The following SMPD4 variants were observed in gnomAD, a reference collection of about 807,000 sequenced individuals.
The protein encoded by SMPD4 is neutral sphingomyelinase 3.
SMPD4 carries 58 observed loss-of-function variants against 97.8 expected under a neutral mutation model. The ratio of observed to expected loss-of-function variants is 0.59; its 90% CI spans 0.48 to 0.74. The LOEUF (loss-of-function observed/expected upper bound fraction) is 0.74. Ranked by LOEUF, SMPD4 falls within the 30% of genes least tolerant of loss-of-function variation. SMPD4 has a pLI of 0.00. For missense variants in SMPD4, 853 were observed against 1,080.5 expected, an observed-to-expected ratio of 0.79 and a Z score of 2.95; for synonymous variants, 388 against 450.0, an observed-to-expected ratio of 0.86 and a Z score of 1.74.
chr2:130,175,718 A>C (rs1321029929), intron 2 of SMPD4, among the ~76,000 whole-genome samples: 3 of 152,304 alleles, frequency 2.0e-5, no homozygotes, highest in Non-Finnish European at 4.4e-5. Flanking sequence ...ATGGATTAAG[A>C]TCAGGAGAAA....
chr2:130,179,731 T>C (rs1171809453), intron 1 of SMPD4, among the ~76,000 whole-genome samples: 1 of 151,640 alleles, frequency 6.6e-6, no homozygotes, highest in Non-Finnish European at 1.5e-5. Flanking sequence ...CTCGGCTCAC[T>C]GCAACTTCCG....
Position 130,173,668 on chromosome 2 carries a change from T to C in SMPD4, c.127-12A>G. The C allele has an allele frequency of 1.2e-6, 2 of 1,613,820 alleles. No homozygotes were observed. The highest frequency in any genetic ancestry group is 1.7e-6 in the Non-Finnish European group (2 of 1,179,834). On this transcript the variant is annotated splice_polypyrimidine_tract_variant and intron_variant, in intron 3 of 19. Coordinates refer to ENST00000680298, the MANE Select transcript of SMPD4 (RefSeq NM_017951.5). The stretch of plus-strand genomic sequence containing the variant: ...ATGGTGTGCAGCTCCTGAAACAATG[T>C]GTGGTGAAGCCGCGTGCAGGACCAG...
intron 14 of SMPD4, among the ~76,000 whole-genome samples, chr2:130,155,710 C>T (rs1328212509): frequency 2.0e-5 from 3 of 152,016 alleles, no homozygotes; most frequent in African/African-American, 7.2e-5. Flanking sequence ...TGCTTGATCA[C>T]CGCTGCTCTG....
chr2:130,161,615 T>C lies in SMPD4; in HGVS notation c.865-343A>G, dbSNP rs866594724. Among the ~76,000 whole-genome samples, 3 of 152,226 alleles carry C rather than the reference T, an allele frequency of 2.0e-5. No individual in the cohort carries two copies. In the South Asian group the frequency reaches 6.2e-4, roughly 32 times the overall value. On this transcript the variant is annotated intron_variant, in intron 10 of 19. Coordinates refer to ENST00000680298, the MANE Select transcript of SMPD4 (RefSeq NM_017951.5). ...TATTGCTGGGGCCTAAAGGCCTCTC[T>C]AGCTCCTTGGAAGGGCCCAACTCAC...
intron 1 of SMPD4, 106 bp downstream of exon 1, chr2:130,181,424 G>C: frequency 6.7e-7 from 1 of 1,502,992 alleles, no homozygotes; most frequent in Non-Finnish European, 8.9e-7. Context: ...CCGGCTGGCC[G>C]GCCCGAGTCC....
rs754994535 is a variant in SMPD4, at chr2:130,156,048, C to T, written c.1276G>A (p.Val426Met). 1 of 1,611,436 alleles carries T rather than the reference C, an allele frequency of 6.2e-7. No homozygotes were observed. Among genetic ancestry groups the T allele is most frequent in the Admixed American group, 1.7e-5 (1 of 60,024 alleles). Residue 426 changes from valine (V) to methionine (M), a missense_variant, in exon 14 of 20, where the codon GTG becomes ATG. Val to Met is a conservative substitution (Grantham distance 21, BLOSUM62 1). Around this residue, in one of 3 missense-constraint regions of SMPD4, gnomAD observed 511 missense variants for 608.1 expected, o/e 0.84. Transcript: ENST00000680298. The stretch of plus-strand genomic sequence containing the variant: ...GCTGAGGCTCACCATTTCTCCGACA[C>T]ACACCGGGGCTGGGAGTCGCTGCCC... ...APGSDSQPRC[V>M]SEKWAPFVQE...
chr2:130,166,359 A>T (rs1687927802), intron 9 of SMPD4, among the ~76,000 whole-genome samples: 1 of 150,794 alleles, frequency 6.6e-6, no homozygotes, highest in East Asian at 1.9e-4. Context: ...GAACAGCAGA[A>T]CCTTCCAGTT....
At chr2:130,161,624 G>A (rs1028135372) in intron 10 of SMPD4, among the ~76,000 whole-genome samples, 1 of 152,070 alleles carries the variant, frequency 6.6e-6, no homozygotes, top group African/African-American at 2.4e-5. Context: ...CTAGCTCCTT[G>A]GAAGGGCCCA....
chr2:130,152,186 C>A lies in SMPD4; in HGVS notation c.*369G>T. Reference sequence around the variant, plus strand: ...AGGCCAGCCAGTGGGGAGGCCAGGCCCAGGTGGCTGTTGGCAGGCTGGCTC... The same window carrying A: ...AGGCCAGCCAGTGGGGAGGCCAGGCACAGGTGGCTGTTGGCAGGCTGGCTC... On this transcript the variant is annotated 3_prime_UTR_variant, in exon 20 of 20. Transcript: ENST00000680298. 4.7e-6 allele frequency: 1 copy of A among 214,468 alleles called. No individual in the cohort carries two copies. Among genetic ancestry groups the A allele is most frequent in the Non-Finnish European group, 9.3e-6 (1 of 107,022 alleles). The allele number at this position is 214,468 out of a possible 1,614,324, so 13.3% of individuals were successfully genotyped here.
chr2:130,153,261 G>A (rs1686410177), intron 18 of SMPD4, 58 bp downstream of exon 18: 8 of 1,612,510 alleles, frequency 5.0e-6, no homozygotes, highest in Non-Finnish European at 6.8e-6. Flanking sequence ...CAAGGGAGGA[G>A]GGAGCTGGGG....
rs777436075 is a variant in SMPD4 at position 130,164,344 on chromosome 2, A to G, written c.864+30T>C. ...CAGCAGGCTGAGCAGGGTCAGAAGC[A>G]GGAGGTGGGAAGAAAAACTGAAAAC... is the stretch of plus-strand genomic sequence containing the variant. On this transcript the variant is annotated intron_variant, in intron 10 of 19. Transcript: ENST00000680298. 9 of 1,586,988 alleles carry G rather than the reference A, an allele frequency of 5.7e-6. No homozygotes were observed. In the Admixed American group the frequency reaches 1.3e-4, roughly 24 times the overall value.
At position 130,152,187 on chromosome 2, in the gene SMPD4, C is replaced by G. The variant is rs1334446119; in HGVS notation, c.*368G>C. The G allele has an allele frequency of 4.7e-6, 1 of 213,872 alleles. No homozygotes were observed. The highest frequency in any genetic ancestry group is 9.4e-6 in the Non-Finnish European group (1 of 106,866). 13.2% of individuals were successfully genotyped at this position (213,872 alleles called of 1,614,324 possible). A position where few individuals can be genotyped will look rare whatever the true frequency, so the allele number is the denominator to read the frequency against. ...GGCCAGCCAGTGGGGAGGCCAGGCC[C>G]AGGTGGCTGTTGGCAGGCTGGCTCC... On this transcript the variant is annotated 3_prime_UTR_variant, in exon 20 of 20. Coordinates refer to ENST00000680298, the MANE Select transcript of SMPD4 (RefSeq NM_017951.5).
chr2:130,167,074 C>G (rs1688001115), intron 9 of SMPD4, among the ~76,000 whole-genome samples: 1 of 152,034 alleles, frequency 6.6e-6, no homozygotes, highest in Non-Finnish European at 1.5e-5. Context: ...GGGGCCGCCT[C>G]TGGGACTCTG....
chr2:130,175,037 A>G (rs769289586), intron 2 of SMPD4, 37 bp from the exon 3 acceptor site: 4 of 1,475,980 alleles, frequency 2.7e-6, no homozygotes, highest in Admixed American at 1.7e-5. Context: ...TCACGAGGAC[A>G]TTCACTCTGC....
intron 15 of SMPD4, 106 bp from the exon 16 acceptor site, chr2:130,154,588 C>A: frequency 6.8e-7 from 1 of 1,474,872 alleles, no homozygotes; most frequent in Non-Finnish European, 9.3e-7. Flanking sequence ...GAGCCATGAC[C>A]CAGGGGTGTC....
At chr2:130,171,815 G>T (rs1055271494) in intron 8 of SMPD4, among the ~76,000 whole-genome samples, 71 of 152,312 alleles carry the variant, frequency 4.7e-4, no homozygotes, top group African/African-American at 1.6e-3. Flanking sequence ...GGGCAAGAGG[G>T]TCTCCTGGGA....
chr2:130,170,890 G>A (rs1391468022), intron 8 of SMPD4, among the ~76,000 whole-genome samples: 7 of 151,778 alleles, frequency 4.6e-5, no homozygotes, highest in East Asian at 2.0e-4. Context: ...GTGAAACCCC[G>A]TTACTACTAA....
chr2:130,180,961 G>A (rs909615023), intron 1 of SMPD4, among the ~76,000 whole-genome samples: 1 of 152,180 alleles, frequency 6.6e-6, no homozygotes, highest in African/African-American at 2.4e-5. Flanking sequence ...ATTTTCTCCA[G>A]GAGCTGCTTC....
In SMPD4 at chr2:130,181,568, G is replaced by T. The variant is rs750782429; in HGVS notation, c.-84C>A. 6.2e-7 allele frequency: 1 copy of T among 1,606,578 alleles called. No homozygotes were observed. On this transcript the variant is annotated 5_prime_UTR_variant, in exon 1 of 20. Coordinates refer to ENST00000680298, the MANE Select transcript of SMPD4 (RefSeq NM_017951.5). ...AGCGTCGCTCGCCTCAGAGATGGAA[G>T]CCGCCATTCCGCCACGGCGCCGAAA...
Sources: gnomAD v4.1 joint callset for allele counts (sites outside exome capture counted in the v4.1 genomes callset) on GRCh38, gnomAD v4.1.1 for gene constraint, gnomAD v4.1.1 regional missense constraint, MANE v1.5 for transcripts, NCBI Gene and HGNC (gene_info 2026-07-23, HGNC 2026-07-21) for gene names.